The following RARB variants were observed in gnomAD, a reference collection of about 807,000 sequenced individuals.
RARB encodes the protein retinoic acid receptor beta, also known as HBV-activated protein.
In RARB, 17 loss-of-function variants were observed where a neutral mutation model predicts 51.9. The observed-to-expected ratio is 0.33, with a 90% CI of 0.22 to 0.49. RARB has a LOEUF of 0.49. RARB is among the 20% of genes least tolerant of loss of function. RARB has a pLI of 0.99. For missense variants in RARB, 369 were observed against 550.8 expected (o/e 0.67, Z 3.30); for synonymous variants, 215 against 195.4 (o/e 1.10, Z -0.84).
Position 24,941,549 on chromosome 3 carries a change from T to C in RARB, c.-380+82797T>C, listed in dbSNP as rs149095648. ...CATGCCCGGCTCATTTTTGCATTTT[T>C]AGTAGAGACGGGGTTTCCCCACGTT... On this transcript the variant is annotated intron_variant, in intron 2 of 11. Coordinates refer to the RARB transcript ENST00000383772. 1.5e-3 allele frequency among the ~76,000 whole-genome samples: 227 copies of C among 152,254 alleles called. 2 individuals carry two copies. In the East Asian group the frequency reaches 0.035, roughly 24 times the overall value.
intron 5 of RARB, among the ~76,000 whole-genome samples, chr3:25,215,561 G>A (rs1701814060): frequency 6.6e-6 from 1 of 152,190 alleles, no homozygotes; most frequent in South Asian, 2.1e-4. Flanking sequence ...TTGAAGTGCA[G>A]CAGGAGGAAG....
chr3:25,256,263 T>C (rs1702862650), intron 5 of RARB, among the ~76,000 whole-genome samples: 1 of 152,120 alleles, frequency 6.6e-6, no homozygotes, highest in Admixed American at 6.6e-5. Context: ...ATTAAGAAAA[T>C]TTTAATCTCC....
chr3:24,973,330 C>A (rs1696442131), intron 2 of RARB, among the ~76,000 whole-genome samples: 1 of 151,936 alleles, frequency 6.6e-6, no homozygotes, highest in Non-Finnish European at 1.5e-5. Flanking sequence ...TTCCACTGAT[C>A]TACTTTTATC....
chr3:24,868,510 G>T (rs975647220), intron 2 of RARB, among the ~76,000 whole-genome samples: 5 of 152,074 alleles, frequency 3.3e-5, no homozygotes, highest in African/African-American at 1.2e-4. Context: ...TTAACCATCT[G>T]CATGGACTCC....
chr3:24,855,873 TCCCGAGTAGCTGGGACTACAGGC>T (rs1702627515), intron 1 of RARB, among the ~76,000 whole-genome samples: 1 of 149,626 alleles, frequency 6.7e-6, no homozygotes, highest in African/African-American at 2.5e-5. Context: ...TGCCTCAGCC[TCCCGAGTAGCTGGGACTACAGGC>T]CCCCACCACC....
chr3:24,852,787 C>G (rs535176241), intron 1 of RARB, among the ~76,000 whole-genome samples: 2 of 152,162 alleles, frequency 1.3e-5, no homozygotes, highest in South Asian at 4.2e-4. Context: ...ATATGGAATT[C>G]TCAAAAAAGG....
intron 3 of RARB, among the ~76,000 whole-genome samples, chr3:25,120,527 A>ATCTCTCTC (rs138649959): frequency 0.33 from 44,646 of 135,874 alleles, 8,427 homozygotes; most frequent in East Asian, 0.44. Context: ...ATATATAAAA[A>ATCTCTCTC]TCTCTCTCTC....
chr3:25,421,606 G>T (rs560682164), intron 5 of RARB, among the ~76,000 whole-genome samples: 85 of 151,512 alleles, frequency 5.6e-4, no homozygotes, highest in African/African-American at 2.0e-3. Context: ...GTAGAGACTG[G>T]GTTTCACTGT....
intron 5 of RARB, among the ~76,000 whole-genome samples, chr3:25,206,524 C>G (rs751402767): frequency 6.6e-6 from 1 of 152,046 alleles, no homozygotes; most frequent in African/African-American, 2.4e-5. Flanking sequence ...TCATTTTGAA[C>G]CTTTCGAGAA....
At chr3:24,913,067 G>GCC (rs1427666201) in intron 2 of RARB, among the ~76,000 whole-genome samples, 1 of 138,104 alleles carries the variant, frequency 7.2e-6, no homozygotes, top group Non-Finnish European at 1.5e-5. Flanking sequence ...TGCAAGCTCC[G>GCC]CCTCCCAGGT....
chr3:25,528,308 G>A (rs1181044328), intron 3 of RARB, among the ~76,000 whole-genome samples: 1 of 152,198 alleles, frequency 6.6e-6, no homozygotes, highest in African/African-American at 2.4e-5. Flanking sequence ...GAGACAGGAA[G>A]ATGAGCAAAG....
At chr3:25,219,767 G>C (rs1701906225) in intron 5 of RARB, among the ~76,000 whole-genome samples, 1 of 152,146 alleles carries the variant, frequency 6.6e-6, no homozygotes, top group Non-Finnish European at 1.5e-5. Flanking sequence ...ATTTGTCAAA[G>C]AACCATACTA....
At chr3:25,356,491 T>C (rs1025679085) in intron 5 of RARB, among the ~76,000 whole-genome samples, 2 of 151,810 alleles carry the variant, frequency 1.3e-5, no homozygotes, top group African/African-American at 2.4e-5. Flanking sequence ...AAAGAAAAAA[T>C]AGAAACAGAG....
chr3:25,590,924 G>A (rs1186275040), intron 5 of RARB, among the ~76,000 whole-genome samples: 1 of 152,198 alleles, frequency 6.6e-6, no homozygotes, highest in East Asian at 1.9e-4. Flanking sequence ...GTGACCTTGG[G>A]CACCACACTT....
chr3:25,493,183 A>G (rs996590993), intron 2 of RARB, among the ~76,000 whole-genome samples: 39 of 152,208 alleles, frequency 2.6e-4, no homozygotes, highest in Admixed American at 2.3e-3. Flanking sequence ...ACTCACTGTC[A>G]TCAAAATAAT....
At chr3:25,022,962 C>G (rs115005708) in intron 2 of RARB, among the ~76,000 whole-genome samples, 4 of 152,150 alleles carry the variant, frequency 2.6e-5, no homozygotes, top group Non-Finnish European at 5.9e-5. Context: ...AAGATCATCA[C>G]CAGACCCTAA....
intron 5 of RARB, among the ~76,000 whole-genome samples, chr3:25,399,580 A>C (rs1707210046): frequency 6.6e-6 from 1 of 152,178 alleles, no homozygotes; most frequent in Admixed American, 6.5e-5. Flanking sequence ...GTACATATTT[A>C]ATTAAGAGAG....
intron 2 of RARB, among the ~76,000 whole-genome samples, chr3:24,989,073 G>A (rs970439137): frequency 6.6e-6 from 1 of 152,186 alleles, no homozygotes; most frequent in African/African-American, 2.4e-5. Context: ...TAATCTGCCT[G>A]TCTCGGCCTC....
intron 2 of RARB, among the ~76,000 whole-genome samples, chr3:24,960,150 G>A (rs1575092333): frequency 6.6e-6 from 1 of 152,286 alleles, no homozygotes. Context: ...CCTCCTGATA[G>A]TTATAATGGG....
Sources: gnomAD v4.1 joint callset for allele counts (sites outside exome capture counted in the v4.1 genomes callset) on GRCh38, gnomAD v4.1.1 for gene constraint, MANE v1.5 for transcripts, NCBI Gene and HGNC (gene_info 2026-07-23, HGNC 2026-07-21) for gene names.